FBN1: variants seen among roughly 807,000 people sequenced by gnomAD.
The protein encoded by FBN1 is fibrillin-1.
A neutral mutation model predicts 365.1 loss-of-function variants in FBN1; 29 were observed. The ratio of observed to expected loss-of-function variants is 0.08; its 90% confidence interval spans 0.06 to 0.11. The LOEUF (loss-of-function observed/expected upper bound fraction) is 0.11, where lower values mean the gene tolerates loss of function less well. FBN1 is among the 10% of genes least tolerant of loss of function. The pLI is 1.00. For synonymous variants in FBN1, 1,210 were observed against 1,270.5 expected, an observed-to-expected ratio of 0.95 and a Z score of 1.01; for missense variants, 2,476 against 3,703.2, an observed-to-expected ratio of 0.67 and a Z score of 8.60.
intron 6 of FBN1, among the ~76,000 whole-genome samples, chr15:48,555,416 G>A (rs118120557): frequency 8.7e-4 from 133 of 152,222 alleles, no homozygotes; most frequent in Non-Finnish European, 1.7e-3. Context: ...TGGTTGTCTC[G>A]CCCTTGACCC....
At chr15:48,591,583 C>A (rs1566933778) in intron 6 of FBN1, among the ~76,000 whole-genome samples, 1 of 152,206 alleles carries the variant, frequency 6.6e-6, no homozygotes, top group Non-Finnish European at 1.5e-5. Flanking sequence ...GAGGAATATT[C>A]CAAAACCCTA....
At position 48,638,617 on chromosome 15, in the gene FBN1, C is replaced by CTT. The variant is rs34665953; in HGVS notation, c.164+5987_164+5988dup. On this transcript the variant is annotated intron_variant, in intron 2 of 65. Coordinates refer to ENST00000316623, the MANE Select transcript of FBN1 (RefSeq NM_000138.5). ...TACAATCATAAGTGATACATCAGAG[C>CTT]TTTTTTTTTTTTTTTTTACCATTAT... is the stretch of plus-strand genomic sequence containing the variant. Among the ~76,000 whole-genome samples the CTT allele has an allele frequency of 8.2e-4, 114 of 138,888 alleles. 1 individual carries two copies. Among genetic ancestry groups the CTT allele is most frequent in the African/African-American group, 3.0e-3 (113 of 37,578 alleles). 91.1% of individuals were successfully genotyped at this position (138,888 alleles called of 152,430 possible). A position where few individuals can be genotyped will look rare whatever the true frequency, so the allele number is the denominator to read the frequency against.
At chr15:48,504,843 C>A (rs2043694676) in intron 16 of FBN1, among the ~76,000 whole-genome samples, 182 bp downstream of exon 16, 2 of 152,202 alleles carry the variant, frequency 1.3e-5, no homozygotes, top group African/African-American at 4.8e-5. Context: ...CTTAGCTCAT[C>A]TTTCTAATCC....
intron 51 of FBN1, 184 bp downstream of exon 51, chr15:48,437,584 A>T: frequency 1.2e-6 from 1 of 806,798 alleles, no homozygotes; most frequent in East Asian, 2.7e-5. Flanking sequence ...TCTGTGATTC[A>T]TGACATAATT....
chr15:48,599,669 G>A (rs1376511232), intron 5 of FBN1, among the ~76,000 whole-genome samples: 3 of 152,086 alleles, frequency 2.0e-5, no homozygotes, highest in Non-Finnish European at 4.4e-5. Context: ...TAAGTACTTC[G>A]GTAGCAGAAT....
intron 29 of FBN1, among the ~76,000 whole-genome samples, chr15:48,485,755 C>A (rs1378286735): frequency 1.3e-5 from 2 of 152,160 alleles, no homozygotes; most frequent in African/African-American, 4.8e-5. Flanking sequence ...CATGCAAAAT[C>A]CTGGCTTCTT....
intron 6 of FBN1, among the ~76,000 whole-genome samples, chr15:48,580,831 C>T (rs1001121532): frequency 1.3e-5 from 2 of 152,106 alleles, no homozygotes; most frequent in African/African-American, 2.4e-5. Context: ...ACTATTCTAT[C>T]CTAAAGAGAT....
chr15:48,610,132 C>T (rs537393794), intron 4 of FBN1, among the ~76,000 whole-genome samples: 1 of 152,152 alleles, frequency 6.6e-6, no homozygotes, highest in African/African-American at 2.4e-5. Flanking sequence ...CTTGCCCAAA[C>T]CCCCAAAAGA....
intron 2 of FBN1, among the ~76,000 whole-genome samples, chr15:48,625,404 G>A (rs921294270): frequency 3.3e-5 from 5 of 152,118 alleles, no homozygotes; most frequent in Admixed American, 6.5e-5. Context: ...AGCTTAGTAA[G>A]CTGCCCAGTG....
chr15:48,425,289 G>T (rs1597515819), intron 60 of FBN1, 80 bp downstream of exon 60: 2 of 1,594,582 alleles, frequency 1.3e-6, no homozygotes, highest in Non-Finnish European at 8.6e-7. Context: ...CTTTCGGCTT[G>T]CCTGTGGAGT....
chr15:48,460,468 C>T lies in FBN1; in HGVS notation c.5225-151G>A, dbSNP rs372047068. Reference sequence around the variant, plus strand: ...TAAAAAGTAAACCTGAAAATTCCTACAGATATAATCTTGCCTGTAAGACAA... The same window carrying T: ...TAAAAAGTAAACCTGAAAATTCCTATAGATATAATCTTGCCTGTAAGACAA... On this transcript the variant is annotated intron_variant, in intron 42 of 65. Transcript: ENST00000316623. 21 of 645,902 alleles carry T rather than the reference C, an allele frequency of 3.3e-5. No individual in the cohort carries two copies. In the African/African-American group the frequency reaches 3.5e-4, roughly 11 times the overall value. 40.0% of individuals were successfully genotyped at this position (645,902 alleles called of 1,614,324 possible). A position where few individuals can be genotyped will look rare whatever the true frequency, so the allele number is the denominator to read the frequency against.
At chr15:48,511,738 G>C (rs986582776) in intron 13 of FBN1, among the ~76,000 whole-genome samples, 2 of 152,176 alleles carry the variant, frequency 1.3e-5, no homozygotes, top group Non-Finnish European at 2.9e-5. Flanking sequence ...TAACCTTAGT[G>C]CTAGCTCTTA....
chr15:48,504,780 C>T (rs574552203), intron 16 of FBN1, among the ~76,000 whole-genome samples: 4 of 152,268 alleles, frequency 2.6e-5, no homozygotes, highest in Admixed American at 6.5e-5. Context: ...AAGACAGCTA[C>T]GGGATTAGGG....
intron 13 of FBN1, among the ~76,000 whole-genome samples, chr15:48,512,525 G>C (rs73394203): frequency 0.16 from 24,382 of 152,024 alleles, 2,918 homozygotes; most frequent in African/African-American, 0.34. Context: ...TCCCTTCTAT[G>C]TGTCCATGTG....
chr15:48,436,355 C>T (rs528197786), intron 53 of FBN1, among the ~76,000 whole-genome samples: 37 of 150,196 alleles, frequency 2.5e-4, no homozygotes, highest in African/African-American at 9.4e-4. Flanking sequence ...CTAATTCACA[C>T]AGACAAACTC....
At chr15:48,606,203 A>G (rs2044607649) in intron 4 of FBN1, among the ~76,000 whole-genome samples, 1 of 152,244 alleles carries the variant, frequency 6.6e-6, no homozygotes, top group South Asian at 2.1e-4. Context: ...ACTATCATAC[A>G]ACTTAGAAAT....
At position 48,627,264 on chromosome 15, in the gene FBN1, A is replaced by G. The variant is rs529982816; in HGVS notation, c.165-14172T>C. ...GTATTAGCAAAGGAAAACAATGTAA[A>G]GAGAACACATTTTAGGAACATTCAC... On this transcript the variant is annotated intron_variant, in intron 2 of 65. Transcript: ENST00000316623. 6.6e-5 allele frequency among the ~76,000 whole-genome samples: 10 copies of G among 152,358 alleles called. No individual in the cohort carries two copies. The South Asian group carries it at 2.1e-3, about 32-fold the overall frequency.
intron 6 of FBN1, among the ~76,000 whole-genome samples, chr15:48,584,042 A>T (rs2044417219): frequency 6.6e-6 from 1 of 152,196 alleles, no homozygotes; most frequent in African/African-American, 2.4e-5. Flanking sequence ...AATTTCAGGG[A>T]TATGTGAACA....
At chr15:48,418,548 C>T (rs1236800989) in intron 63 of FBN1, among the ~76,000 whole-genome samples, 1 of 152,190 alleles carries the variant, frequency 6.6e-6, no homozygotes, top group East Asian at 1.9e-4. Context: ...TATCAATATA[C>T]AAACACCACG....
Sources: gnomAD v4.1 joint callset for allele counts (sites outside exome capture counted in the v4.1 genomes callset) on GRCh38, gnomAD v4.1.1 for gene constraint, MANE v1.5 for transcripts, NCBI Gene and HGNC (gene_info 2026-07-23, HGNC 2026-07-21) for gene names.